SHISA9: variants seen among roughly 807,000 people sequenced by gnomAD.
SHISA9 encodes the protein shisa family member 9, also known as protein shisa-9.
In SHISA9, 13 loss-of-function variants were observed where a neutral mutation model predicts 38.0. The observed-to-expected ratio is 0.34, with a 90% CI of 0.22 to 0.54. SHISA9 has a LOEUF of 0.54. Ranked by LOEUF, SHISA9 falls within the 20% of genes least tolerant of loss-of-function variation. The pLI is 0.91. For synonymous variants in SHISA9, 275 were observed against 242.0 expected, an observed-to-expected ratio of 1.14 and a Z score of -1.27; for missense variants, 538 against 575.8, an observed-to-expected ratio of 0.93 and a Z score of 0.67.
intron 2 of SHISA9, among the ~76,000 whole-genome samples, chr16:13,020,190 C>G (rs2072834980): frequency 6.6e-6 from 1 of 151,314 alleles, no homozygotes. Flanking sequence ...CCATGCCTGG[C>G]TAATTTTGTA....
chr16:13,165,972 G>A (rs895386379), intron 2 of SHISA9, among the ~76,000 whole-genome samples: 11 of 152,170 alleles, frequency 7.2e-5, no homozygotes, highest in African/African-American at 9.7e-5. Context: ...TTATCAGCCC[G>A]AGTCTGGAGC....
intron 2 of SHISA9, among the ~76,000 whole-genome samples, chr16:13,089,875 T>A (rs1279923412): frequency 2.0e-5 from 3 of 152,218 alleles, no homozygotes; most frequent in African/African-American, 7.2e-5. Context: ...GCTTCTCTAG[T>A]TCTTTTCATT....
At chr16:12,939,184 A>G (rs2071576155) in intron 2 of SHISA9, among the ~76,000 whole-genome samples, 4 of 151,878 alleles carry the variant, frequency 2.6e-5, no homozygotes. Flanking sequence ...TCCAAGTTCA[A>G]GCGATTCTCC....
the SHISA9 span, among the ~76,000 whole-genome samples, chr16:13,393,901 A>C: frequency 1.3e-5 from 2 of 152,154 alleles, no homozygotes; most frequent in East Asian, 3.9e-4. Flanking sequence ...TGCTCTGACA[A>C]GTTGGGTCAT....
chr16:13,337,600 T>C, the SHISA9 span, among the ~76,000 whole-genome samples: 3 of 152,194 alleles, frequency 2.0e-5, no homozygotes, highest in Non-Finnish European at 4.4e-5. Context: ...GGGATATTCA[T>C]GTGTAATATT....
chr16:13,179,378 C>T lies in SHISA9; in HGVS notation c.692-24016C>T, dbSNP rs570245137. On this transcript the variant is annotated intron_variant, in intron 2 of 4. Transcript: ENST00000558583. Reference sequence around the variant, plus strand: ...ATGTCTGTTGAGTGCTGGCTCTGTGCTAGTCATAAACATCTCTACATGCCT... The same window carrying T: ...ATGTCTGTTGAGTGCTGGCTCTGTGTTAGTCATAAACATCTCTACATGCCT... Among the ~76,000 whole-genome samples, 8 of 152,270 alleles carry T rather than the reference C, an allele frequency of 5.3e-5. No homozygotes were observed. In the South Asian group the frequency reaches 1.7e-3, roughly 32 times the overall value.
At chr16:13,217,129 A>AT (rs55674979) in intron 4 of SHISA9, among the ~76,000 whole-genome samples, 2 of 151,096 alleles carry the variant, frequency 1.3e-5, no homozygotes, top group Non-Finnish European at 3.0e-5. Context: ...AAAAAAAAAA[A>AT]TTGCAGGGAG....
chr16:13,208,525 G>A (rs754064403), intron 3 of SHISA9, among the ~76,000 whole-genome samples: 2 of 136,792 alleles, frequency 1.5e-5, no homozygotes, highest in Non-Finnish European at 3.0e-5. Context: ...CACCACAACC[G>A]CCGCCTCCTG....
the SHISA9 span, among the ~76,000 whole-genome samples, chr16:13,323,512 C>T: frequency 6.6e-6 from 1 of 152,160 alleles, no homozygotes. Flanking sequence ...CTCCAAGACT[C>T]GTATTGAAAT....
At chr16:13,031,213 G>T (rs767044519) in intron 2 of SHISA9, among the ~76,000 whole-genome samples, 4 of 152,166 alleles carry the variant, frequency 2.6e-5, no homozygotes, top group African/African-American at 7.2e-5. Flanking sequence ...CTGCCTTCCT[G>T]TGTGACCTTG....
intron 3 of SHISA9, among the ~76,000 whole-genome samples, chr16:13,210,780 C>A (rs919320085): frequency 1.3e-5 from 2 of 152,182 alleles, no homozygotes; most frequent in Non-Finnish European, 2.9e-5. Flanking sequence ...TAGTTATTTC[C>A]CCATAATCCG....
chr16:13,231,370 G>A (rs908326694), intron 4 of SHISA9, among the ~76,000 whole-genome samples: 1 of 152,200 alleles, frequency 6.6e-6, no homozygotes, highest in African/African-American at 2.4e-5. Flanking sequence ...GGGAAACTTT[G>A]AGTATTCTTC....
chr16:13,533,306 C>G, the SHISA9 span, among the ~76,000 whole-genome samples: 1 of 152,282 alleles, frequency 6.6e-6, no homozygotes, highest in Admixed American at 6.5e-5. Flanking sequence ...TAGATTAAAC[C>G]CAGTACTTCA....
At chr16:13,559,555 A>T in the SHISA9 span, among the ~76,000 whole-genome samples, 1 of 151,602 alleles carries the variant, frequency 6.6e-6, no homozygotes. Context: ...TTTTATATAT[A>T]TATTTTTTCT....
intron 2 of SHISA9, among the ~76,000 whole-genome samples, chr16:13,189,910 C>T (rs570644690): frequency 5.3e-5 from 8 of 151,636 alleles, no homozygotes; most frequent in Non-Finnish European, 7.4e-5. Flanking sequence ...GAAGACTACA[C>T]GATAGAAGGA....
At chr16:13,444,982 CTA>C in the SHISA9 span, among the ~76,000 whole-genome samples, 612 of 105,922 alleles carry the variant, frequency 5.8e-3, 2 homozygotes, top group Non-Finnish European at 8.0e-3. Flanking sequence ...CCATGCCTAG[CTA>C]TATATATATA....
At chr16:13,223,427 A>G (rs1487036929) in intron 4 of SHISA9, among the ~76,000 whole-genome samples, 2 of 152,104 alleles carry the variant, frequency 1.3e-5, no homozygotes, top group Non-Finnish European at 2.9e-5. Flanking sequence ...TGAGATGTGC[A>G]TATTTCCAAA....
At chr16:13,556,787 A>G in the SHISA9 span, among the ~76,000 whole-genome samples, 31 of 152,326 alleles carry the variant, frequency 2.0e-4, no homozygotes, top group East Asian at 1.3e-3. Context: ...AATAAAAACA[A>G]TAATATAACA....
chr16:13,442,232 C>A, the SHISA9 span, among the ~76,000 whole-genome samples: 2 of 152,172 alleles, frequency 1.3e-5, no homozygotes, highest in African/African-American at 4.8e-5. Flanking sequence ...CAAAATAAAT[C>A]TTTTTCCAGC....
Sources: allele counts gnomAD v4.1 joint callset (sites outside exome capture counted in the v4.1 genomes callset), GRCh38; gene constraint gnomAD v4.1.1; transcripts MANE v1.5; gene names NCBI Gene and HGNC (gene_info 2026-07-23, HGNC 2026-07-21).